Variants in ANGPTL5 observed in about 807,000 individuals in gnomAD.
ANGPTL5 encodes the protein angiopoietin like 5, also known as angiopoietin-related protein 5.
ANGPTL5 carries 34 observed loss-of-function variants against 39.4 expected under a neutral mutation model. The observed-to-expected ratio is 0.86, with a 90% CI of 0.66 to 1.15. The LOEUF (loss-of-function observed/expected upper bound fraction) is 1.15. Ranked by LOEUF, ANGPTL5 falls within the 50% of genes most tolerant of loss-of-function variation. The pLI, the probability that ANGPTL5 is intolerant of heterozygous loss-of-function variation, is 0.00. For synonymous variants in ANGPTL5, 146 were observed against 152.1 expected, an observed-to-expected ratio of 0.96 and a Z score of 0.29; for missense variants, 467 against 457.5, an observed-to-expected ratio of 1.02 and a Z score of -0.19.
At chr11:101,907,002 T>C in intron 3 of ANGPTL5, 101 bp downstream of exon 3, 5 of 912,294 alleles carry the variant, frequency 5.5e-6, no homozygotes, top group South Asian at 1.8e-5. Context: ...TCAGGATGTA[T>C]AGAAAATGAC....
chr11:101,913,044 T>A (rs538704522), intron 1 of ANGPTL5, among the ~76,000 whole-genome samples: 2 of 152,306 alleles, frequency 1.3e-5, no homozygotes, highest in Admixed American at 6.5e-5. Context: ...GGCCTTGAGA[T>A]AAGCAATAGT....
At chr11:101,896,409 C>T (rs1388505732) in intron 7 of ANGPTL5, among the ~76,000 whole-genome samples, 1 of 151,828 alleles carries the variant, frequency 6.6e-6, no homozygotes, top group Non-Finnish European at 1.5e-5. Flanking sequence ...GCAAAATGTG[C>T]AGGTTTGTTA....
intron 6 of ANGPTL5, among the ~76,000 whole-genome samples, chr11:101,901,593 A>G (rs1364260352): frequency 6.6e-6 from 1 of 152,150 alleles, no homozygotes; most frequent in East Asian, 1.9e-4. Flanking sequence ...GTGTGGAGGA[A>G]GTTAAGGAAC....
At chr11:101,898,898 T>C (rs775035420) in intron 7 of ANGPTL5, among the ~76,000 whole-genome samples, 11 of 152,232 alleles carry the variant, frequency 7.2e-5, no homozygotes, top group Admixed American at 2.0e-4. Flanking sequence ...TTTATTGAGA[T>C]AATCATGTAA....
intron 1 of ANGPTL5, among the ~76,000 whole-genome samples, chr11:101,913,868 A>T (rs897865268): frequency 1.7e-4 from 26 of 152,376 alleles, no homozygotes; most frequent in South Asian, 2.1e-4. Context: ...TGGCTAGGCC[A>T]ATTAAAAACT....
intron 5 of ANGPTL5, among the ~76,000 whole-genome samples, chr11:101,903,879 G>A (rs1027076041): frequency 2.0e-4 from 24 of 117,614 alleles, no homozygotes; most frequent in African/African-American, 6.7e-4. Context: ...CCTGTGATTC[G>A]GGCATTTTTT....
rs77442670 is a variant in ANGPTL5 at position 101,891,282 on chromosome 11, T to C, written c.1164A>G (p.Lys388=). ...TGCATTACAATGTTAAATGAGATTA[T>C]TTAAAATATGGATTGTACATTCTTC... ...KIRRMYNPYF[K] The change falls in exon 9 of 9, where the codon AAA becomes AAG. Residue 388 remains lysine (K), a synonymous_variant. Transcript: ENST00000334289. 0.023 allele frequency: 36,887 copies of C among 1,602,236 alleles called. 548 individuals are homozygous for C. Among genetic ancestry groups the C allele is most frequent in the Middle Eastern group, 0.029 (172 of 6,028 alleles).
intron 8 of ANGPTL5, among the ~76,000 whole-genome samples, chr11:101,893,729 A>C (rs1185195304): frequency 6.6e-6 from 1 of 152,184 alleles, no homozygotes; most frequent in Non-Finnish European, 1.5e-5. Flanking sequence ...GTAACTTTTT[A>C]AACTTTTCCC....
chr11:101,904,701 G>A (rs1302313838), intron 5 of ANGPTL5, 113 bp downstream of exon 5: 3 of 913,980 alleles, frequency 3.3e-6, no homozygotes, highest in African/African-American at 1.7e-5. Context: ...CAGTCTGTTA[G>A]AGAACGGTGA....
chr11:101,907,504 G>GC (rs1367729856), intron 2 of ANGPTL5, among the ~76,000 whole-genome samples: 3 of 151,970 alleles, frequency 2.0e-5, no homozygotes, highest in African/African-American at 7.2e-5. Flanking sequence ...TTGTGGAACA[G>GC]CTTTTTTTTT....
At chr11:101,892,477 C>G (rs1476943420) in intron 8 of ANGPTL5, among the ~76,000 whole-genome samples, 2 of 152,110 alleles carry the variant, frequency 1.3e-5, no homozygotes, top group African/African-American at 4.8e-5. Flanking sequence ...GTGATCCACC[C>G]ACCTCGGCCT....
At chr11:101,906,964 A>T in intron 3 of ANGPTL5, 139 bp downstream of exon 3, 1 of 648,750 alleles carries the variant, frequency 1.5e-6, no homozygotes, top group Non-Finnish European at 2.5e-6. Context: ...ATTATGGGCC[A>T]AACAATAAAG....
At chr11:101,901,121 C>CCCGCCT (rs1170827300) in intron 6 of ANGPTL5, among the ~76,000 whole-genome samples, 3 of 151,172 alleles carry the variant, frequency 2.0e-5, no homozygotes, top group East Asian at 1.9e-4. Context: ...TCGTGATCCT[C>CCCGCCT]CCGCCTCCGC....
intron 1 of ANGPTL5, among the ~76,000 whole-genome samples, chr11:101,909,309 C>T (rs1387288158): frequency 1.3e-5 from 2 of 152,168 alleles, no homozygotes; most frequent in African/African-American, 4.8e-5. Flanking sequence ...GTTGGGAGTG[C>T]CGGCTCCAAG....
intron 8 of ANGPTL5, among the ~76,000 whole-genome samples, chr11:101,894,379 G>T (rs1459246899): frequency 1.3e-5 from 2 of 152,144 alleles, no homozygotes; most frequent in Non-Finnish European, 2.9e-5. Context: ...AAATTTATTT[G>T]GAAATGAGCA....
chr11:101,899,259 T>G (rs1309027781), intron 7 of ANGPTL5, among the ~76,000 whole-genome samples: 1 of 152,228 alleles, frequency 6.6e-6, no homozygotes, highest in Non-Finnish European at 1.5e-5. Flanking sequence ...AATTTGGCTG[T>G]GAATCCGTCT....
intron 5 of ANGPTL5, among the ~76,000 whole-genome samples, chr11:101,904,156 C>A (rs1209755671): frequency 6.6e-6 from 1 of 152,092 alleles, no homozygotes; most frequent in African/African-American, 2.4e-5. Flanking sequence ...TGAGAAAGTG[C>A]CTGTCTTCCT....
At chr11:101,906,569 G>A (rs1372356347) in intron 3 of ANGPTL5, among the ~76,000 whole-genome samples, 1 of 152,014 alleles carries the variant, frequency 6.6e-6, no homozygotes, top group East Asian at 1.9e-4. Context: ...CCAAAATTAG[G>A]AAATAAACAT....
intron 7 of ANGPTL5, among the ~76,000 whole-genome samples, 176 bp downstream of exon 7, chr11:101,900,254 C>T (rs781327447): frequency 2.0e-5 from 3 of 151,366 alleles, no homozygotes; most frequent in Non-Finnish European, 4.4e-5. Flanking sequence ...TTCCAGATCT[C>T]CACTGAAGAC....
Sources: gnomAD v4.1 joint callset for allele counts (sites outside exome capture counted in the v4.1 genomes callset) on GRCh38, gnomAD v4.1.1 for gene constraint, MANE v1.5 for transcripts, NCBI Gene and HGNC (gene_info 2026-07-23, HGNC 2026-07-21) for gene names.